PDCL2: variants seen among roughly 807,000 people sequenced by gnomAD.
PDCL2 encodes the protein phosducin-like protein 2.
A neutral mutation model predicts 30.3 loss-of-function variants in PDCL2; 23 were observed. The observed-to-expected ratio is 0.76, with a 90% CI of 0.55 to 1.08. The LOEUF (loss-of-function observed/expected upper bound fraction) is 1.08, where lower values mean the gene tolerates loss of function less well. PDCL2 is among the 50% of genes least tolerant of loss of function. PDCL2 has a pLI of 0.00. For missense variants in PDCL2, 243 were observed against 282.3 expected (o/e 0.86, Z 1.00); for synonymous variants, 68 against 86.2 (o/e 0.79, Z 1.17).
intron 1 of PDCL2, among the ~76,000 whole-genome samples, chr4:55,585,522 T>C (rs1732835865): frequency 1.4e-5 from 2 of 147,398 alleles, no homozygotes; most frequent in Non-Finnish European, 3.0e-5. Flanking sequence ...AGTGAGATAC[T>C]GTCACACACA....
At position 55,592,150 on chromosome 4, in the gene PDCL2, A is replaced by G. The variant is rs766730423; in HGVS notation, c.-41T>C. On this transcript the variant is annotated 5_prime_UTR_variant, in exon 1 of 6. Coordinates refer to ENST00000295645, the MANE Select transcript of PDCL2 (RefSeq NM_152401.3). ...CCCTCAAGAGCCCGCGTCGTCCTGC[A>G]GCTGGCGAGGCGCCACGGATGGAGA... 2.5e-6 allele frequency: 4 copies of G among 1,605,454 alleles called. No individual in the cohort carries two copies. In the Admixed American group the frequency reaches 5.1e-5, roughly 20 times the overall value.
Position 55,582,127 on chromosome 4 carries a change from T to C in PDCL2, c.117A>G (p.Lys39=), listed in dbSNP as rs759349907. The C allele has an allele frequency of 2.5e-6, 4 of 1,613,040 alleles. No homozygotes were observed. Among genetic ancestry groups the C allele is most frequent in the African/African-American group, 2.7e-5 (2 of 75,030 alleles). Residue 39 remains lysine, a synonymous_variant, in exon 2 of 6, where the codon AAA becomes AAG. Transcript: ENST00000295645. ...EIEEMVLRLQ[K]EAMVKPFEKM... ...AATCTACGACCATACCCATTGCTTCTTTCTGTAAACGTAAAACCATTTCTT... is the reference window on the plus strand; with the variant it reads ...AATCTACGACCATACCCATTGCTTCCTTCTGTAAACGTAAAACCATTTCTT...
At chr4:55,571,440 C>T (rs540214951) in intron 3 of PDCL2, among the ~76,000 whole-genome samples, 65 of 151,226 alleles carry the variant, frequency 4.3e-4, no homozygotes, top group African/African-American at 1.5e-3. Flanking sequence ...GTAATCCCAG[C>T]ACTTTGGGAG....
intron 4 of PDCL2, among the ~76,000 whole-genome samples, chr4:55,562,995 A>G (rs886220662): frequency 7.2e-5 from 11 of 151,840 alleles, no homozygotes; most frequent in Non-Finnish European, 1.2e-4. Context: ...CCTTGCTGCC[A>G]TCATGAGCTT....
chr4:55,569,802 C>G lies in PDCL2; in HGVS notation c.278G>C (p.Arg93Thr), dbSNP rs1170974038. ...CACATACTGATTTCCAGAAATTTCT[C>G]TTAATTCTCCAAATTTTTGTTTTTT... is the stretch of plus-strand genomic sequence containing the variant. Reference protein sequence around the residue: ...LKKKQKFGELREISGNQYVNE... With the variant: ...LKKKQKFGELTEISGNQYVNE... Residue 93 changes from arginine to threonine, a missense_variant, in exon 4 of 6, where the codon AGA becomes ACA. Transcript: ENST00000295645. 1.3e-6 allele frequency: 2 copies of G among 1,562,490 alleles called. No homozygotes were observed. Among genetic ancestry groups the G allele is most frequent in the African/African-American group, 1.4e-5 (1 of 73,782 alleles).
chr4:55,564,733 T>C (rs967156519), intron 4 of PDCL2, among the ~76,000 whole-genome samples: 1 of 152,184 alleles, frequency 6.6e-6, no homozygotes, highest in Non-Finnish European at 1.5e-5. Flanking sequence ...ATCAATTTGA[T>C]GGCAAAGAGC....
At chr4:55,563,297 C>T (rs1369299130) in intron 4 of PDCL2, among the ~76,000 whole-genome samples, 1 of 152,180 alleles carries the variant, frequency 6.6e-6, no homozygotes, top group African/African-American at 2.4e-5. Flanking sequence ...TTCCACCTCC[C>T]TTGGGATCTT....
intron 1 of PDCL2, among the ~76,000 whole-genome samples, chr4:55,589,062 T>C (rs1435714106): frequency 6.6e-6 from 1 of 152,116 alleles, no homozygotes; most frequent in East Asian, 1.9e-4. Flanking sequence ...GGTTTCACCG[T>C]GTTAGCCAGG....
intron 3 of PDCL2, among the ~76,000 whole-genome samples, chr4:55,570,848 G>A (rs1286762309): frequency 6.6e-6 from 1 of 152,102 alleles, no homozygotes; most frequent in African/African-American, 2.4e-5. Context: ...TAAGTTTGCT[G>A]GAAGTATTTA....
intron 4 of PDCL2, among the ~76,000 whole-genome samples, chr4:55,565,169 A>T (rs1732229937): frequency 6.6e-6 from 1 of 152,134 alleles, no homozygotes; most frequent in Admixed American, 6.6e-5. Context: ...ACTATTGTAG[A>T]ACCTAAGATT....
chr4:55,565,461 G>T (rs1274435693), intron 4 of PDCL2, among the ~76,000 whole-genome samples: 1 of 152,126 alleles, frequency 6.6e-6, no homozygotes, highest in Admixed American at 6.5e-5. Context: ...ACATGTGGCA[G>T]CAATGAGAAG....
Sources: gnomAD v4.1 joint callset for allele counts (sites outside exome capture counted in the v4.1 genomes callset) on GRCh38, gnomAD v4.1.1 for gene constraint, MANE v1.5 for transcripts, NCBI Gene and HGNC (gene_info 2026-07-23, HGNC 2026-07-21) for gene names.